Variants in IQSEC3 observed in about 807,000 individuals in gnomAD.
IQSEC3 encodes IQ motif and SEC7 domain-containing protein 3.
Under a neutral mutation model 105.4 loss-of-function variants are expected in IQSEC3, and 50 were observed. The observed-to-expected ratio is 0.47, with a 90% confidence interval of 0.38 to 0.60. The LOEUF is 0.60. IQSEC3 is among the 20% of genes least tolerant of loss of function. The pLI is 0.00. For missense variants in IQSEC3, 1,415 were observed against 1,630.0 expected (o/e 0.87, Z 2.27); for synonymous variants, 708 against 746.0 (o/e 0.95, Z 0.83).
intron 7 of IQSEC3, among the ~76,000 whole-genome samples, chr12:158,105 C>T (rs1866758712): frequency 6.6e-6 from 1 of 152,144 alleles, no homozygotes; most frequent in Admixed American, 6.5e-5. Context: ...AAGTCCTTCT[C>T]TCATCGATGC....
Position 138,917 on chromosome 12 carries a change from C to G in IQSEC3, c.1554C>G (p.Ala518=). Reference sequence around the variant, plus strand: ...GCCTGGGCGCTCAGACGGTCCAGGCCCCCGCAGAGCCCGCGGCGGGCAAGG... The same window carrying G: ...GCCTGGGCGCTCAGACGGTCCAGGCGCCCGCAGAGCCCGCGGCGGGCAAGG... The part of the protein sequence containing the change: ...ANCLGAQTVQ[A]PAEPAAGKAE... The change falls in exon 4 of 14, where the codon GCC becomes GCG. Residue 518 remains alanine, a synonymous_variant. Transcript: ENST00000538872. This position sits in a 1 kb window ranked among gnomAD's most constrained non-coding sequence, Gnocchi z 7.1. 2 of 1,601,526 alleles carry G rather than the reference C, an allele frequency of 1.2e-6. No individual in the cohort carries two copies. Among genetic ancestry groups the G allele is most frequent in the South Asian group, 2.2e-5 (2 of 89,402 alleles).
At position 99,819 on chromosome 12, in the gene IQSEC3, G is replaced by A. The variant is rs560952673; in HGVS notation, c.623+605G>A. Among the ~76,000 whole-genome samples the A allele has an allele frequency of 7.2e-5, 11 of 152,102 alleles. 1 individual carries two copies. The South Asian group carries it at 1.0e-3, about 14-fold the overall frequency. Reference sequence around the variant, plus strand: ...CTCCTGCCCTCTGCCTCCCTGTCCCGCTTCCTGGAGTTCCGTCTCCGTCCC... The same window carrying A: ...CTCCTGCCCTCTGCCTCCCTGTCCCACTTCCTGGAGTTCCGTCTCCGTCCC... On this transcript the variant is annotated intron_variant, in intron 2 of 13. Transcript: ENST00000538872.
intron 4 of IQSEC3, chr12:140,395 G>A (rs1865968465): frequency 6.6e-6 from 1 of 152,180 alleles, no homozygotes; most frequent in South Asian, 2.1e-4. Context: ...ATCTGACTCT[G>A]AACCACTCCC....
chr12:177,503 C>T lies in IQSEC3; in HGVS notation c.*2470C>T, dbSNP rs564186607. On this transcript the variant is annotated 3_prime_UTR_variant, in exon 14 of 14. Coordinates refer to ENST00000538872, the MANE Select transcript of IQSEC3 (RefSeq NM_001170738.2). The surrounding 1 kb of genome is among the most constrained non-coding windows in gnomAD (Gnocchi z 5.3). ...CCTGCCCCAGGGCAGAGGCCCACCCCGTGGGTTGGTGCAGTGGCTGCCCTG... is the reference window on the plus strand; with the variant it reads ...CCTGCCCCAGGGCAGAGGCCCACCCTGTGGGTTGGTGCAGTGGCTGCCCTG... 3.3e-5 allele frequency: 5 copies of T among 152,418 alleles called. No individual in the cohort carries two copies. In the East Asian group the frequency reaches 5.8e-4, roughly 18 times the overall value. 9.4% of individuals were successfully genotyped at this position (152,418 alleles called of 1,614,324 possible).
At chr12:75,644 G>C (rs1364299363) in intron 1 of IQSEC3, among the ~76,000 whole-genome samples, 1 of 152,274 alleles carries the variant, frequency 6.6e-6, no homozygotes, top group Non-Finnish European at 1.5e-5. Context: ...GCAGAGGTTG[G>C]TGTCGCACGA....
At chr12:67,843 G>C (rs1191675931) in intron 1 of IQSEC3, among the ~76,000 whole-genome samples, 1 of 152,134 alleles carries the variant, frequency 6.6e-6, no homozygotes, top group Non-Finnish European at 1.5e-5. Flanking sequence ...GGTAGTAAAA[G>C]TATTTGCATG....
chr12:161,547 G>C (rs1159581459), intron 7 of IQSEC3, among the ~76,000 whole-genome samples: 1 of 152,214 alleles, frequency 6.6e-6, no homozygotes, highest in Non-Finnish European at 1.5e-5. Context: ...TGCTGGAGTG[G>C]TGGGGTGGAG....
At chr12:78,201 G>C (rs1265550991) in intron 1 of IQSEC3, among the ~76,000 whole-genome samples, 19 of 151,214 alleles carry the variant, frequency 1.3e-4, no homozygotes, top group African/African-American at 4.6e-4. Flanking sequence ...GCCTCCTCCC[G>C]CGTTCCCGGC....
chr12:122,404 G>C (rs1018678153), intron 2 of IQSEC3, among the ~76,000 whole-genome samples: 1 of 152,230 alleles, frequency 6.6e-6, no homozygotes, highest in Admixed American at 6.5e-5. Context: ...GTGTGCGTGA[G>C]TGTGTGTGTA....
intron 4 of IQSEC3, 122 bp from the exon 5 acceptor site, chr12:141,002 C>A: frequency 9.9e-7 from 1 of 1,010,614 alleles, no homozygotes; most frequent in Non-Finnish European, 1.5e-6. Context: ...GTGAGAGAAG[C>A]TTCAATGGGG....
intron 2 of IQSEC3, among the ~76,000 whole-genome samples, chr12:121,645 T>C (rs547800702): frequency 6.0e-4 from 91 of 152,254 alleles, no homozygotes; most frequent in Middle Eastern, 3.4e-3. Context: ...CCATGGGGAA[T>C]AGTGGGAAAA....
intron 2 of IQSEC3, among the ~76,000 whole-genome samples, chr12:117,900 G>A (rs1170563945): frequency 7.2e-5 from 11 of 152,214 alleles, no homozygotes; most frequent in African/African-American, 2.4e-4. Flanking sequence ...TGGCAGGGGA[G>A]GCTTATGCTG....
At chr12:82,692 A>G (rs1278487425) in intron 1 of IQSEC3, among the ~76,000 whole-genome samples, 1 of 152,166 alleles carries the variant, frequency 6.6e-6, no homozygotes, top group African/African-American at 2.4e-5. Context: ...GCACTTTACA[A>G]ACTTTCTCTC....
chr12:108,649 G>A (rs1281206530), intron 2 of IQSEC3, among the ~76,000 whole-genome samples: 2 of 152,208 alleles, frequency 1.3e-5, no homozygotes, highest in Non-Finnish European at 2.9e-5. Flanking sequence ...AGTTCATTTA[G>A]GCGCCTTTCC....
Position 73,870 on chromosome 12 carries a change from C to A in IQSEC3, c.554+6434C>A, listed in dbSNP as rs140659468. The stretch of plus-strand genomic sequence containing the variant: ...ATGTTGAGCATACCCTGAAAAGCAA[C>A]CAGCAGCACAAATCCACCATCCCTC... On this transcript the variant is annotated intron_variant, in intron 1 of 13. Coordinates refer to ENST00000538872, the MANE Select transcript of IQSEC3 (RefSeq NM_001170738.2). Among the ~76,000 whole-genome samples the A allele has an allele frequency of 4.0e-3, 605 of 152,364 alleles. 1 individual carries two copies. Among genetic ancestry groups the A allele is most frequent in the African/African-American group, 0.014 (571 of 41,566 alleles).
chr12:99,305 C>T, intron 2 of IQSEC3, 91 bp downstream of exon 2: 1 of 1,182,252 alleles, frequency 8.5e-7, no homozygotes, highest in Non-Finnish European at 1.2e-6. Context: ...ATTGGGCCTC[C>T]TCCTCTTGAG....
chr12:120,292 A>G (rs1399933583), intron 2 of IQSEC3, among the ~76,000 whole-genome samples: 2 of 152,202 alleles, frequency 1.3e-5, no homozygotes, highest in Admixed American at 1.3e-4. Flanking sequence ...AGGCATCTCC[A>G]GCAGAAGGAA....
At chr12:84,450 TTGTA>T (rs1390330291) in intron 1 of IQSEC3, among the ~76,000 whole-genome samples, 1 of 152,054 alleles carries the variant, frequency 6.6e-6, no homozygotes, top group African/African-American at 2.4e-5. Context: ...ACGGGCAGGG[TTGTA>T]TGTGAGAATA....
intron 3 of IQSEC3, among the ~76,000 whole-genome samples, chr12:135,579 C>A (rs1555086154): frequency 6.6e-6 from 1 of 152,148 alleles, no homozygotes; most frequent in Non-Finnish European, 1.5e-5. Flanking sequence ...GGACATCACT[C>A]CAATGATTAG....
Sources: gnomAD v4.1 joint callset for allele counts (sites outside exome capture counted in the v4.1 genomes callset) on GRCh38, gnomAD v4.1.1 for gene constraint, Gnocchi (gnomAD v3.1) non-coding constraint, MANE v1.5 for transcripts, NCBI Gene and HGNC (gene_info 2026-07-23, HGNC 2026-07-21) for gene names.